The following RECQL5 variants were observed in gnomAD, a reference collection of about 807,000 sequenced individuals.
RECQL5 encodes the protein ATP-dependent DNA helicase Q5.
Under a neutral mutation model 103.4 loss-of-function variants are expected in RECQL5, and 88 were observed. That is an observed-to-expected ratio of 0.85 (90% CI 0.72 to 1.02). RECQL5 has a LOEUF of 1.02. Ranked by LOEUF, RECQL5 falls within the 50% of genes least tolerant of loss-of-function variation. The pLI is 0.00. For missense variants in RECQL5, 1,232 were observed against 1,284.3 expected (o/e 0.96, Z 0.62); for synonymous variants, 552 against 507.9 (o/e 1.09, Z -1.17).
chr17:75,627,060 T>TCCGGCGAAGGCAATACAGAAACGGCAGC lies in RECQL5; in HGVS notation c.*361_*362insGCTGCCGTTTCTGTATTGCCTTCGCCGG. On this transcript the variant is annotated 3_prime_UTR_variant, in exon 20 of 20. Transcript: ENST00000317905. Reference sequence around the variant, plus strand: ...GGATCTGAGGGTCCCCTGGGTAGGTTCCGATACCTTGGACAGGTGGGCCTC... The same window carrying TCCGGCGAAGGCAATACAGAAACGGCAGC: ...GGATCTGAGGGTCCCCTGGGTAGGTTCCGGCGAAGGCAATACAGAAACGGCAGCCCGATACCTTGGACAGGTGGGCCTC... 2.3e-6 allele frequency: 1 copy of TCCGGCGAAGGCAATACAGAAACGGCAGC among 437,338 alleles called. No individual in the cohort carries two copies. The highest frequency in any genetic ancestry group is 6.5e-5 in the East Asian group (1 of 15,330). 27.1% of individuals were successfully genotyped at this position (437,338 alleles called of 1,614,324 possible).
chr17:75,631,786 G>T, intron 8 of RECQL5, 118 bp from the exon 9 acceptor site: 1 of 1,022,742 alleles, frequency 9.8e-7, no homozygotes, highest in Non-Finnish European at 1.4e-6. Flanking sequence ...CATGCCGGGA[G>T]CCCCACACCC....
intron 4 of RECQL5, 88 bp from the exon 5 acceptor site, chr17:75,661,796 T>C (rs2059703207): frequency 1.0e-6 from 1 of 969,614 alleles, no homozygotes. Flanking sequence ...AAAGAAGCTC[T>C]GTGTTCCTTC....
At chr17:75,637,721 G>C (rs1314649610) in intron 8 of RECQL5, 2 of 152,332 alleles carry the variant, frequency 1.3e-5, no homozygotes, top group African/African-American at 4.8e-5. Flanking sequence ...ATGTGGGCTG[G>C]GGCTGGCCGA....
At position 75,665,130 on chromosome 17, in the gene RECQL5, T is replaced by C; in HGVS notation, c.173A>G (p.Lys58Arg). 1 of 1,612,386 alleles carries C rather than the reference T, an allele frequency of 6.2e-7. No individual in the cohort carries two copies. The highest frequency in any genetic ancestry group is 8.5e-7 in the Non-Finnish European group (1 of 1,179,400). The change falls in exon 3 of 20, where the codon AAA (lysine) becomes AGA (arginine). Residue 58 changes from lysine (K) to arginine (R), a missense_variant. Lys to Arg is a conservative substitution (Grantham distance 26). Coordinates refer to ENST00000317905, the MANE Select transcript of RECQL5 (RefSeq NM_004259.7). ...AGCAGGGAGCTGATAGCATAGGGAT[T>C]TTCCTGCCCCTGTGGGCATGCACAC... ...VFVCMPTGAGKSLCYQLPALL... is the reference protein window; with the variant it reads ...VFVCMPTGAGRSLCYQLPALL...
chr17:75,661,087 G>C, intron 5 of RECQL5, 21 bp from the exon 6 acceptor site: 1 of 1,590,718 alleles, frequency 6.3e-7, no homozygotes, highest in African/African-American at 1.3e-5. Flanking sequence ...GGGGAAGATG[G>C]AGAAGGGAAC....
intron 8 of RECQL5, chr17:75,637,400 A>C (rs2059344849): frequency 6.6e-6 from 1 of 152,410 alleles, no homozygotes; most frequent in Non-Finnish European, 1.5e-5. Flanking sequence ...AACCACGCGC[A>C]AACTGTCCCG....
In RECQL5 at chr17:75,661,044, C is replaced by T. The variant is rs368916728; in HGVS notation, c.897G>A (p.Thr299=). 3.1e-6 allele frequency: 5 copies of T among 1,614,174 alleles called. No homozygotes were observed. The highest frequency in any genetic ancestry group is 4.2e-6 in the Non-Finnish European group (5 of 1,179,990). Reference sequence around the variant, plus strand: ...CCTCCATCCAGTCGTTCTGCACCAGCGTTCTTTCAGAGGCCTTCAGCCCTG... The same window carrying T: ...CCTCCATCCAGTCGTTCTGCACCAGTGTTCTTTCAGAGGCCTTCAGCCCTG... ...YHAGLKASER[T]LVQNDWMEEK... is the part of the protein sequence containing the mutation. Residue 299 remains threonine (T), a synonymous_variant, in exon 6 of 20, where the codon ACG becomes ACA. Coordinates refer to ENST00000317905, the MANE Select transcript of RECQL5 (RefSeq NM_004259.7).
chr17:75,633,625 A>G (rs1262257411), intron 8 of RECQL5: 4 of 1,195,580 alleles, frequency 3.3e-6, no homozygotes, highest in Admixed American at 6.7e-5. Context: ...CCAGCTCCCC[A>G]CTGTTTACTG....
chr17:75,631,436 T>G lies in RECQL5; in HGVS notation c.1448+14A>C, dbSNP rs775245423. The G allele has an allele frequency of 6.2e-7, 1 of 1,603,036 alleles. No homozygotes were observed. Among genetic ancestry groups the G allele is most frequent in the Non-Finnish European group, 8.5e-7 (1 of 1,171,504 alleles). On this transcript the variant is annotated intron_variant, in intron 9 of 19. Coordinates refer to ENST00000317905, the MANE Select transcript of RECQL5 (RefSeq NM_004259.7). ...ATTCCAGCGGGTTGGAGCCCTGGCT[T>G]CTCGGCCCCTTACCTGCTGAAGTCC...
At chr17:75,630,579 AG>A in intron 13 of RECQL5, 39 bp downstream of exon 13, 1 of 1,598,902 alleles carries the variant, frequency 6.3e-7, no homozygotes, top group Admixed American at 1.7e-5. Context: ...AGGGAACGAG[AG>A]CTTGGAGTGC....
chr17:75,628,227 A>C lies in RECQL5; in HGVS notation c.2796T>G (p.Phe932Leu), dbSNP rs764678400. 1 of 1,614,008 alleles carries C rather than the reference A, an allele frequency of 6.2e-7. No individual in the cohort carries two copies. The highest frequency in any genetic ancestry group is 8.5e-7 in the Non-Finnish European group (1 of 1,179,926). ...CLTPFYKEGK[F>L]ASKELFKGFA... ...CACTCACTCCCCCTACCTTGGAAGC[A>C]AACTTGCCCTCCTTGTAGAAAGGGG... Residue 932 changes from phenylalanine (F) to leucine (L), a missense_variant, in exon 18 of 20, where the codon TTT becomes TTG. By Grantham distance (22) the Phe-to-Leu change is conservative. Coordinates refer to ENST00000317905, the MANE Select transcript of RECQL5 (RefSeq NM_004259.7).
intron 15 of RECQL5, 51 bp from the exon 16 acceptor site, chr17:75,629,526 A>G: frequency 6.7e-7 from 1 of 1,498,276 alleles, no homozygotes. Flanking sequence ...GGCCCCCTTG[A>G]GGGCACCGCT....
chr17:75,628,591 A>AC, intron 17 of RECQL5, 81 bp downstream of exon 17: 1 of 1,509,664 alleles, frequency 6.6e-7, no homozygotes, highest in Admixed American at 2.2e-5. Flanking sequence ...ATTTTCCCTG[A>AC]CCCCTTGAGC....
chr17:75,631,659 A>G lies in RECQL5; in HGVS notation c.1239T>C (p.His413=). Reference sequence around the variant, plus strand: ...CCCCGAAGTACTTGGCAATGGCGGCATGGCGGCACCTGGAGCAGGCAGCAC... The same window carrying G: ...CCCCGAAGTACTTGGCAATGGCGGCGTGGCGGCACCTGGAGCAGGCAGCAC... The part of the protein sequence containing the change: ...VTFCEELGCR[H]AAIAKYFGDA... Residue 413 remains histidine (H), a synonymous_variant, in exon 9 of 20, where the codon CAT becomes CAC. Transcript: ENST00000317905. 5 of 1,610,872 alleles carry G rather than the reference A, an allele frequency of 3.1e-6. No homozygotes were observed. Among genetic ancestry groups the G allele is most frequent in the Non-Finnish European group, 4.2e-6 (5 of 1,179,602 alleles).
At chr17:75,634,157 C>T in intron 8 of RECQL5, 2 of 985,502 alleles carry the variant, frequency 2.0e-6, no homozygotes, top group African/African-American at 1.7e-5. Flanking sequence ...CGTGGAGGCT[C>T]CGCGCTGGGG....
intron 8 of RECQL5, 148 bp from the exon 9 acceptor site, chr17:75,631,816 A>G: frequency 1.3e-6 from 1 of 794,036 alleles, no homozygotes. Context: ...TCCAAGCTGC[A>G]CCAGGCATCG....
At position 75,631,155 on chromosome 17, in the gene RECQL5, G is replaced by A. The variant is rs375117491; in HGVS notation, c.1543C>T (p.Arg515Cys). 52 of 1,613,624 alleles carry A rather than the reference G, an allele frequency of 3.2e-5. No homozygotes were observed. The African/African-American group carries it at 3.7e-4, about 12-fold the overall frequency. Reference sequence around the variant, plus strand: ...CACTGAGTGCCTCCCCTCACCTTGCGCAGCTGCATCTGCTTCTGATAGAAG... The same window carrying A: ...CACTGAGTGCCTCCCCTCACCTTGCACAGCTGCATCTGCTTCTGATAGAAG... ...NLFYQKQMQL[R>C]KGKDPKIEEF... Residue 515 changes from arginine to cysteine, a missense_variant, in exon 10 of 20, where the codon CGC (arginine) becomes TGC (cysteine). By Grantham distance (180) the Arg-to-Cys change is radical. Coordinates refer to ENST00000317905, the MANE Select transcript of RECQL5 (RefSeq NM_004259.7).
At chr17:75,661,509 T>A in intron 5 of RECQL5, 97 bp downstream of exon 5, 2 of 809,546 alleles carry the variant, frequency 2.5e-6, no homozygotes, top group Non-Finnish European at 4.2e-6. Context: ...TGCAATAAGA[T>A]GGTGGGTCAC....
intron 8 of RECQL5, among the ~76,000 whole-genome samples, chr17:75,645,547 C>A (rs2059478748): frequency 6.6e-6 from 1 of 152,208 alleles, no homozygotes; most frequent in South Asian, 2.1e-4. Context: ...GGTTTGGGAA[C>A]CAACACTTGA....
Sources: gnomAD v4.1 joint callset for allele counts (sites outside exome capture counted in the v4.1 genomes callset) on GRCh38, gnomAD v4.1.1 for gene constraint, MANE v1.5 for transcripts, NCBI Gene and HGNC (gene_info 2026-07-23, HGNC 2026-07-21) for gene names.